TSPAN5: variants seen among roughly 807,000 people sequenced by gnomAD.
TSPAN5 encodes tetraspanin 5.
TSPAN5 carries 10 observed loss-of-function variants against 37.1 expected under a neutral mutation model. That is an observed-to-expected ratio of 0.27 (90% confidence interval 0.17 to 0.46). TSPAN5 has a LOEUF of 0.46. Among genes scored for constraint, TSPAN5 ranks in the 20% least tolerant of loss-of-function variants. The probability of loss-of-function intolerance (pLI) is 1.00; values close to 1 mark genes in which losing one functional copy is unlikely to be tolerated. For synonymous variants in TSPAN5, 110 were observed against 118.9 expected, an observed-to-expected ratio of 0.93 and a Z score of 0.48; for missense variants, 195 against 326.6, an observed-to-expected ratio of 0.60 and a Z score of 3.11.
chr4:98,598,930 T>C (rs369584358), intron 1 of TSPAN5, among the ~76,000 whole-genome samples: 1 of 152,202 alleles, frequency 6.6e-6, no homozygotes. Flanking sequence ...TTGTTATTTA[T>C]ACTCCTTAAA....
At chr4:98,634,575 T>C (rs1560568521) in intron 1 of TSPAN5, among the ~76,000 whole-genome samples, 1 of 152,206 alleles carries the variant, frequency 6.6e-6, no homozygotes, top group Non-Finnish European at 1.5e-5. Flanking sequence ...AGTCCACACA[T>C]AAGGAGGGAA....
At chr4:98,568,532 AC>A (rs1472198787) in intron 1 of TSPAN5, among the ~76,000 whole-genome samples, 5 of 151,370 alleles carry the variant, frequency 3.3e-5, no homozygotes, top group Non-Finnish European at 2.9e-5. Flanking sequence ...ACAGTCCCCC[AC>A]CCCCAGCCCA....
In TSPAN5 at chr4:98,542,762, T is replaced by C. The variant is rs115215637; in HGVS notation, c.82-35034A>G. Among the ~76,000 whole-genome samples, 963 of 145,688 alleles carry C rather than the reference T, an allele frequency of 6.6e-3. 19 individuals are homozygous for C. The highest frequency in any genetic ancestry group is 0.023 in the African/African-American group (910 of 39,664). On this transcript the variant is annotated intron_variant, in intron 1 of 7. Coordinates refer to ENST00000305798, the MANE Select transcript of TSPAN5 (RefSeq NM_005723.4). Reference sequence around the variant, plus strand: ...AAAAAGACTCCATGAAGGCAAACCATGACAAAAGTTTGCTGTTGAATGAGG... The same window carrying C: ...AAAAAGACTCCATGAAGGCAAACCACGACAAAAGTTTGCTGTTGAATGAGG...
chr4:98,498,773 G>A (rs749421951), intron 2 of TSPAN5, among the ~76,000 whole-genome samples: 4 of 152,180 alleles, frequency 2.6e-5, no homozygotes, highest in South Asian at 2.1e-4. Context: ...ATTAGGGCCC[G>A]ACTCTGCCTA....
chr4:98,484,034 A>T, intron 3 of TSPAN5: 1 of 191,434 alleles, frequency 5.2e-6, no homozygotes, highest in Admixed American at 5.4e-5. Context: ...AAGTCAGGGA[A>T]AGATTTTAAT....
chr4:98,591,380 CACTT>C (rs1445001785), intron 1 of TSPAN5, among the ~76,000 whole-genome samples: 6 of 123,776 alleles, frequency 4.8e-5, no homozygotes, highest in Admixed American at 2.6e-4. Flanking sequence ...ATAAATAAGA[CACTT>C]AATAATACAC....
At chr4:98,606,367 A>G (rs1247413113) in intron 1 of TSPAN5, among the ~76,000 whole-genome samples, 1 of 152,210 alleles carries the variant, frequency 6.6e-6, no homozygotes, top group African/African-American at 2.4e-5. Flanking sequence ...CTCATACCAT[A>G]AAGACTTCCA....
intron 1 of TSPAN5, among the ~76,000 whole-genome samples, chr4:98,619,178 C>T (rs765380326): frequency 6.6e-6 from 1 of 152,184 alleles, no homozygotes; most frequent in African/African-American, 2.4e-5. Flanking sequence ...CTATTTAAAC[C>T]TTAAATTTTT....
At chr4:98,497,743 C>A (rs1753247674) in intron 2 of TSPAN5, among the ~76,000 whole-genome samples, 1 of 152,120 alleles carries the variant, frequency 6.6e-6, no homozygotes, top group Admixed American at 6.5e-5. Flanking sequence ...CCAGTGACAC[C>A]CTCAGGAGCT....
chr4:98,563,000 G>T (rs2110170966), intron 1 of TSPAN5, among the ~76,000 whole-genome samples: 1 of 152,230 alleles, frequency 6.6e-6, no homozygotes, highest in East Asian at 1.9e-4. Context: ...TAATGTCATG[G>T]GAGGGAATGA....
intron 1 of TSPAN5, among the ~76,000 whole-genome samples, chr4:98,654,523 G>C (rs1010369532): frequency 6.6e-6 from 1 of 152,082 alleles, no homozygotes; most frequent in African/African-American, 2.4e-5. Context: ...GTCCCAGTAC[G>C]GTGACACCCT....
intron 1 of TSPAN5, among the ~76,000 whole-genome samples, chr4:98,531,627 G>A (rs2110129258): frequency 1.3e-5 from 2 of 152,274 alleles, no homozygotes; most frequent in Admixed American, 6.5e-5. Flanking sequence ...CTAGATCCTT[G>A]AGGAATCGCC....
intron 1 of TSPAN5, among the ~76,000 whole-genome samples, chr4:98,594,244 T>C (rs1000978747): frequency 2.3e-5 from 3 of 131,592 alleles, no homozygotes; most frequent in African/African-American, 1.0e-4. Flanking sequence ...TCTGTTTGTC[T>C]GTTGTTGGTG....
At chr4:98,590,125 A>G (rs1240651715) in intron 1 of TSPAN5, among the ~76,000 whole-genome samples, 1 of 152,172 alleles carries the variant, frequency 6.6e-6, no homozygotes, top group African/African-American at 2.4e-5. Flanking sequence ...CCACTTCAAA[A>G]GGTACCTTTA....
In TSPAN5 at chr4:98,477,593, GC is replaced by G. The variant is rs760835888; in HGVS notation, c.576+1091del. On this transcript the variant is annotated intron_variant, in intron 5 of 7. Transcript: ENST00000305798. ...AGTTGAGGAGTCCCAGAAGGGTTCT[GC>G]AGCTAGGAGCACACAGAGATGCGTG... is the stretch of plus-strand genomic sequence containing the variant. 1.0e-3 allele frequency among the ~76,000 whole-genome samples: 158 copies of G among 152,134 alleles called. 1 individual carries two copies. The highest frequency in any genetic ancestry group is 1.2e-3 in the Non-Finnish European group (82 of 67,988).
chr4:98,486,513 C>T, intron 3 of TSPAN5: 3 of 524,050 alleles, frequency 5.7e-6, no homozygotes, highest in Non-Finnish European at 1.0e-5. Flanking sequence ...TGCACAAAAC[C>T]TCCATGGATG....
intron 2 of TSPAN5, among the ~76,000 whole-genome samples, chr4:98,498,179 G>C (rs1229430791): frequency 6.6e-6 from 1 of 152,128 alleles, no homozygotes; most frequent in Non-Finnish European, 1.5e-5. Flanking sequence ...CCAGAAACCA[G>C]CCAGGCAGGC....
intron 1 of TSPAN5, among the ~76,000 whole-genome samples, chr4:98,545,849 C>T (rs1005198898): frequency 6.6e-6 from 1 of 152,022 alleles, no homozygotes; most frequent in Admixed American, 6.6e-5. Flanking sequence ...TCTTAATAGG[C>T]TCAACATAAG....
intron 1 of TSPAN5, among the ~76,000 whole-genome samples, chr4:98,518,565 G>A (rs1202120891): frequency 2.0e-5 from 3 of 152,108 alleles, no homozygotes; most frequent in Non-Finnish European, 4.4e-5. Flanking sequence ...TTAAAGAGAC[G>A]GCGATAGAAA....
Sources: allele counts gnomAD v4.1 joint callset (sites outside exome capture counted in the v4.1 genomes callset), GRCh38; gene constraint gnomAD v4.1.1; transcripts MANE v1.5; gene names NCBI Gene and HGNC (gene_info 2026-07-23, HGNC 2026-07-21).